The following HDAC9 variants were observed in gnomAD, a reference collection of about 807,000 sequenced individuals.
HDAC9 encodes the protein MEF-2 interacting transcription repressor (MITR) protein.
A neutral mutation model predicts 139.4 loss-of-function variants in HDAC9; 41 were observed. The observed-to-expected ratio is 0.29, with a 90% confidence interval of 0.23 to 0.38. The LOEUF (loss-of-function observed/expected upper bound fraction) is 0.38. HDAC9 is among the 10% of genes least tolerant of loss of function. HDAC9 has a pLI of 1.00. For missense variants in HDAC9, 1,147 were observed against 1,297.0 expected, an observed-to-expected ratio of 0.88 and a Z score of 1.78; for synonymous variants, 517 against 476.2, an observed-to-expected ratio of 1.09 and a Z score of -1.12.
intron 25 of HDAC9, among the ~76,000 whole-genome samples, chr7:18,986,555 C>G (rs1785370527): frequency 7.4e-6 from 1 of 136,052 alleles, no homozygotes; most frequent in African/African-American, 2.6e-5. Flanking sequence ...GCAATGCGGG[C>G]TCTTTTTTGG....
intron 1 of HDAC9, among the ~76,000 whole-genome samples, chr7:18,450,810 C>G (rs1180560776): frequency 6.6e-6 from 1 of 152,050 alleles, no homozygotes; most frequent in African/African-American, 2.4e-5. Flanking sequence ...TGGTCAGCTT[C>G]TTAATCAGAA....
At chr7:18,307,670 GTACA>G (rs1799019123) in intron 1 of HDAC9, among the ~76,000 whole-genome samples, 2 of 152,048 alleles carry the variant, frequency 1.3e-5, no homozygotes, top group African/African-American at 4.8e-5. Context: ...AGGTATGGTG[GTACA>G]TACATGTAGC....
chr7:18,622,392 C>T (rs1419693782), intron 6 of HDAC9, among the ~76,000 whole-genome samples: 2 of 152,086 alleles, frequency 1.3e-5, no homozygotes, highest in East Asian at 1.9e-4. Context: ...GGCATGATCT[C>T]GACTCACTGC....
chr7:18,950,561 A>G lies in HDAC9; in HGVS notation c.2938-3585A>G, dbSNP rs964272142. 3.3e-5 allele frequency among the ~76,000 whole-genome samples: 5 copies of G among 152,062 alleles called. No homozygotes were observed. The East Asian group carries it at 7.7e-4, about 23-fold the overall frequency. ...TCTCCATTTATTCAACATTTTTAAA[A>G]TGTCTTTCATATACAGTCTCCATCT... is the stretch of plus-strand genomic sequence containing the variant. On this transcript the variant is annotated intron_variant, in intron 23 of 25. Coordinates refer to ENST00000686413, the MANE Select transcript of HDAC9 (RefSeq NM_178425.4).
chr7:18,102,321 G>A (rs569712417), intron 1 of HDAC9, among the ~76,000 whole-genome samples: 1 of 152,264 alleles, frequency 6.6e-6, no homozygotes, highest in East Asian at 1.9e-4. Flanking sequence ...TTTTAATGTA[G>A]TCTTTTGAAA....
In HDAC9 at chr7:18,762,056, A is replaced by T. The variant is rs1023299773; in HGVS notation, c.2044-101A>T. ...ATCAGTGTCACATTCCTACATGATG[A>T]AATTCAGCCCATTATTAATCATCTT... On this transcript the variant is annotated intron_variant, in intron 14 of 25. Coordinates refer to ENST00000686413, the MANE Select transcript of HDAC9 (RefSeq NM_178425.4). 1.0e-5 allele frequency: 13 copies of T among 1,259,742 alleles called. No homozygotes were observed. The Admixed American group carries it at 1.9e-4, about 19-fold the overall frequency. The allele number at this position is 1,259,742 out of a possible 1,614,324, so 78.0% of individuals were successfully genotyped here.
chr7:18,767,032 TTAA>T (rs1789887286), intron 15 of HDAC9, 71 bp from the exon 16 acceptor site: 1 of 672,814 alleles, frequency 1.5e-6, no homozygotes, highest in Non-Finnish European at 2.4e-6. Context: ...TTATTATGTG[TTAA>T]TAAATGCCAA....
intron 1 of HDAC9, among the ~76,000 whole-genome samples, chr7:18,485,502 T>A (rs1322760459): frequency 6.6e-6 from 1 of 150,810 alleles, no homozygotes; most frequent in East Asian, 1.9e-4. Context: ...GACTAATGAT[T>A]TTTATGTTCT....
chr7:18,116,822 A>G (rs921255761), intron 1 of HDAC9, among the ~76,000 whole-genome samples: 1 of 152,198 alleles, frequency 6.6e-6, no homozygotes, highest in Non-Finnish European at 1.5e-5. Flanking sequence ...ATTGGCTTAA[A>G]TGTATGAAAG....
chr7:18,825,453 C>A (rs1425815843), intron 17 of HDAC9, among the ~76,000 whole-genome samples: 1 of 151,940 alleles, frequency 6.6e-6, no homozygotes, highest in Non-Finnish European at 1.5e-5. Context: ...AAGTTTAGGG[C>A]CAGAAGGCTG....
chr7:18,762,360 G>A, intron 15 of HDAC9, 83 bp downstream of exon 15: 2 of 1,484,904 alleles, frequency 1.3e-6, no homozygotes, highest in Non-Finnish European at 1.8e-6. Context: ...CAAAATACTT[G>A]GCAAGTAGTG....
chr7:18,218,812 T>G (rs1460439180), intron 2 of HDAC9, among the ~76,000 whole-genome samples: 4 of 152,208 alleles, frequency 2.6e-5, no homozygotes, highest in Non-Finnish European at 5.9e-5. Context: ...TTCTTAACAT[T>G]ATTTTATAAT....
At chr7:18,143,402 T>A (rs1429966548) in intron 1 of HDAC9, among the ~76,000 whole-genome samples, 1 of 152,192 alleles carries the variant, frequency 6.6e-6, no homozygotes. Flanking sequence ...TTAGAAGAAG[T>A]TCTATTTATT....
chr7:18,953,561 A>C (rs1782949675), intron 23 of HDAC9, among the ~76,000 whole-genome samples: 1 of 152,176 alleles, frequency 6.6e-6, no homozygotes, highest in Non-Finnish European at 1.5e-5. Flanking sequence ...ACATCTGCAT[A>C]GTTATGAATA....
At position 18,998,101 on chromosome 7, in the gene HDAC9, G is replaced by C. The variant is rs1046785300; in HGVS notation, c.*2039G>C. On this transcript the variant is annotated 3_prime_UTR_variant, in exon 26 of 26. Transcript: ENST00000686413. ...ACTTAAAAAAATAGTAGAGCCAAAGGCTTAACAAAAGACTCTCCCCCATTT... is the reference window on the plus strand; with the variant it reads ...ACTTAAAAAAATAGTAGAGCCAAAGCCTTAACAAAAGACTCTCCCCCATTT... 3 of 151,984 alleles carry C rather than the reference G, an allele frequency of 2.0e-5. No individual in the cohort carries two copies. Among genetic ancestry groups the C allele is most frequent in the Non-Finnish European group, 4.4e-5 (3 of 67,978 alleles). The allele number at this position is 151,984 out of a possible 1,614,324, so 9.4% of individuals were successfully genotyped here.
intron 1 of HDAC9, among the ~76,000 whole-genome samples, chr7:18,431,839 G>A (rs1291847401): frequency 2.0e-5 from 3 of 152,150 alleles, no homozygotes; most frequent in Admixed American, 6.5e-5. Flanking sequence ...GAAAAATCAC[G>A]AAGTCAGTTT....
chr7:18,387,490 C>T (rs1332123213), intron 1 of HDAC9, among the ~76,000 whole-genome samples: 1 of 152,128 alleles, frequency 6.6e-6, no homozygotes, highest in African/African-American at 2.4e-5. Flanking sequence ...AAACAGTTGT[C>T]GTGTGGGCTT....
intron 1 of HDAC9, among the ~76,000 whole-genome samples, chr7:18,361,037 A>T (rs1348013219): frequency 6.6e-6 from 1 of 152,230 alleles, no homozygotes; most frequent in Non-Finnish European, 1.5e-5. Flanking sequence ...GCCTAGTTTC[A>T]GAATGGAATG....
intron 22 of HDAC9, among the ~76,000 whole-genome samples, chr7:18,935,039 G>A (rs909746657): frequency 6.6e-6 from 1 of 152,106 alleles, no homozygotes; most frequent in Admixed American, 6.6e-5. Context: ...AGTTGCAAAA[G>A]TGTAAAACCA....
Sources: allele counts gnomAD v4.1 joint callset (sites outside exome capture counted in the v4.1 genomes callset), GRCh38; gene constraint gnomAD v4.1.1; transcripts MANE v1.5; gene names NCBI Gene and HGNC (gene_info 2026-07-23, HGNC 2026-07-21).